The following NEMP1 variants were observed in gnomAD, a reference collection of about 807,000 sequenced individuals.
NEMP1 encodes transmembrane protein 194.
Under a neutral mutation model 53.7 loss-of-function variants are expected in NEMP1, and 29 were observed. That is an observed-to-expected ratio of 0.54 (90% CI 0.40 to 0.74). NEMP1 has a LOEUF of 0.74. Ranked by LOEUF, NEMP1 falls within the 30% of genes least tolerant of loss-of-function variation. NEMP1 has a pLI of 0.00. For synonymous variants in NEMP1, 193 were observed against 192.9 expected (o/e 1.00, Z 0.00); for missense variants, 477 against 528.6 (o/e 0.90, Z 0.96).
In NEMP1 at chr12:57,058,109, T is replaced by C. The variant is rs2136475005; in HGVS notation, c.*1770A>G. The C allele has an allele frequency of 6.6e-6, 1 of 152,356 alleles. No individual in the cohort carries two copies. Among genetic ancestry groups the C allele is most frequent in the Non-Finnish European group, 1.5e-5 (1 of 68,038 alleles). 9.4% of individuals were successfully genotyped at this position (152,356 alleles called of 1,614,324 possible). A position where few individuals can be genotyped will look rare whatever the true frequency, so the allele number is the denominator to read the frequency against. On this transcript the variant is annotated 3_prime_UTR_variant, in exon 9 of 9. Coordinates refer to ENST00000300128, the MANE Select transcript of NEMP1 (RefSeq NM_001130963.2). ...CCCTTCAACTGTAACCCATAGCATCTGCCCAAATACTGCTCATTTTTCACT... is the reference window on the plus strand; with the variant it reads ...CCCTTCAACTGTAACCCATAGCATCCGCCCAAATACTGCTCATTTTTCACT...
At chr12:57,063,440 A>G (rs1007964126) in intron 6 of NEMP1, 96 bp from the exon 7 acceptor site, 27 of 869,118 alleles carry the variant, frequency 3.1e-5, no homozygotes, top group Non-Finnish European at 3.6e-5. Context: ...TATAGCACCA[A>G]TTGAACTAGG....
chr12:57,064,604 T>C, intron 5 of NEMP1, 42 bp downstream of exon 5: 1 of 1,473,176 alleles, frequency 6.8e-7, no homozygotes. Context: ...CCTTCAGCTA[T>C]CCAAATTCAT....
rs369681762 is a variant in NEMP1, at chr12:57,059,831, A to G, written c.*48T>C. ...AAAGCAATTGCACAACACATGCAAC[A>G]TGGACCAAGGCACCAAGCCAGTCCA... On this transcript the variant is annotated 3_prime_UTR_variant, in exon 9 of 9. Transcript: ENST00000300128. 3.3e-5 allele frequency: 51 copies of G among 1,546,148 alleles called. 1 individual carries two copies. In the African/African-American group the frequency reaches 5.7e-4, roughly 17 times the overall value.
At chr12:57,060,987 T>A in intron 7 of NEMP1, 42 bp from the exon 8 acceptor site, 1 of 1,591,500 alleles carries the variant, frequency 6.3e-7, no homozygotes, top group Non-Finnish European at 8.6e-7. Flanking sequence ...TAATCAGTAA[T>A]CTATATCCAT....
chr12:57,078,706 C>T lies in NEMP1; in HGVS notation c.40G>A (p.Gly14Ser). ...GMKVAVSPAV[G>S]PGPWGSGVGG... ...ACTCCCGAGCCCCAGGGCCCGGGAC[C>T]AACTGCCGGCGAGACCGCCACTTTC... The change falls in exon 1 of 9, where the codon GGT (glycine) becomes AGT (serine). Residue 14 changes from glycine to serine, a missense_variant. Coordinates refer to ENST00000300128, the MANE Select transcript of NEMP1 (RefSeq NM_001130963.2). 1 of 1,613,372 alleles carries T rather than the reference C, an allele frequency of 6.2e-7. No homozygotes were observed.
In NEMP1 at chr12:57,064,677, A is replaced by C. The variant is rs953539256; in HGVS notation, c.608T>G (p.Ile203Ser). ...TVGIVASLLI[I>S]IFILSKFMPK... ...CATAAACTTAGATAGTATAAAAATG[A>C]TGATTAGCAGAGAGGCCACAATTCC... Residue 203 changes from isoleucine (I) to serine (S), a missense_variant, in exon 5 of 9, where the codon ATC (isoleucine) becomes AGC (serine). Ile to Ser is a moderately radical substitution (Grantham distance 142). Coordinates refer to ENST00000300128, the MANE Select transcript of NEMP1 (RefSeq NM_001130963.2). 1.2e-6 allele frequency: 2 copies of C among 1,612,900 alleles called. No homozygotes were observed. The highest frequency in any genetic ancestry group is 1.7e-6 in the Non-Finnish European group (2 of 1,179,390).
intron 1 of NEMP1, among the ~76,000 whole-genome samples, chr12:57,074,689 A>C (rs938643793): frequency 1.3e-5 from 2 of 152,214 alleles, no homozygotes; most frequent in African/African-American, 4.8e-5. Flanking sequence ...TGTCACTTCA[A>C]ATTTTAACAG....
chr12:57,055,957 C>T lies in NEMP1; in HGVS notation c.*3922G>A, dbSNP rs1184004250. On this transcript the variant is annotated 3_prime_UTR_variant, in exon 9 of 9. Coordinates refer to ENST00000300128, the MANE Select transcript of NEMP1 (RefSeq NM_001130963.2). ...AGGCTGTAACAGTTTCTAATATTCA[C>T]ATTATGAACTATTTGTTATGTTGTC... 6.6e-6 allele frequency: 1 copy of T among 152,158 alleles called. No homozygotes were observed. Among genetic ancestry groups the T allele is most frequent in the Non-Finnish European group, 1.5e-5 (1 of 68,044 alleles). The allele number at this position is 152,158 out of a possible 1,614,324, so 9.4% of individuals were successfully genotyped here.
At chr12:57,071,734 T>C (rs184390346) in intron 2 of NEMP1, among the ~76,000 whole-genome samples, 2 of 151,574 alleles carry the variant, frequency 1.3e-5, no homozygotes, top group Non-Finnish European at 2.9e-5. Flanking sequence ...TGGCTGGGCA[T>C]GGCCCCCAGC....
chr12:57,056,718 T>C lies in NEMP1; in HGVS notation c.*3161A>G, dbSNP rs1026195893. On this transcript the variant is annotated 3_prime_UTR_variant, in exon 9 of 9. Coordinates refer to ENST00000300128, the MANE Select transcript of NEMP1 (RefSeq NM_001130963.2). ...AAAAAGACTAAGGACAATTACATAA[T>C]GCATTCCCAAGCCTTTTATGGATAT... The C allele has an allele frequency of 3.9e-5, 6 of 152,144 alleles. No individual in the cohort carries two copies. Among genetic ancestry groups the C allele is most frequent in the Admixed American group, 2.6e-4 (4 of 15,272 alleles). The allele number at this position is 152,144 out of a possible 1,614,324, so 9.4% of individuals were successfully genotyped here. A position where few individuals can be genotyped will look rare whatever the true frequency, so the allele number is the denominator to read the frequency against.
chr12:57,081,845 T>G (rs1195264138), upstream of NEMP1, among the ~76,000 whole-genome samples: 1 of 150,702 alleles, frequency 6.6e-6, no homozygotes, highest in Non-Finnish European at 1.5e-5. Flanking sequence ...AGGCGGAACT[T>G]GCAGTGAGCT....
intron 1 of NEMP1, among the ~76,000 whole-genome samples, chr12:57,074,596 C>A (rs112653514): frequency 1.5e-4 from 23 of 150,778 alleles, no homozygotes; most frequent in African/African-American, 5.4e-4. Flanking sequence ...TAAGCCACCA[C>A]GCCCAGCCAG....
At chr12:57,085,065 G>A (rs2136531768) in intron 1 of NEMP1, among the ~76,000 whole-genome samples, 1 of 152,248 alleles carries the variant, frequency 6.6e-6, no homozygotes, top group East Asian at 1.9e-4. Flanking sequence ...CAGCAATAAT[G>A]AACAACCTTT....
At chr12:57,076,791 C>T (rs1298872699) in intron 1 of NEMP1, among the ~76,000 whole-genome samples, 3 of 150,154 alleles carry the variant, frequency 2.0e-5, no homozygotes, top group East Asian at 2.0e-4. Context: ...GCAACGAGGG[C>T]GAAACTCTGT....
intron 4 of NEMP1, among the ~76,000 whole-genome samples, chr12:57,067,791 G>A (rs1041986113): frequency 2.0e-5 from 3 of 152,048 alleles, no homozygotes; most frequent in Admixed American, 6.6e-5. Flanking sequence ...CTCCCGACCT[G>A]AATATTATTA....
intron 1 of NEMP1, among the ~76,000 whole-genome samples, chr12:57,074,255 C>A (rs2032496214): frequency 6.6e-6 from 1 of 151,542 alleles, no homozygotes; most frequent in Non-Finnish European, 1.5e-5. Flanking sequence ...CCTCCCAAAG[C>A]ACTGGGATTA....
At chr12:57,074,179 G>C (rs1421315708) in intron 1 of NEMP1, among the ~76,000 whole-genome samples, 1 of 151,464 alleles carries the variant, frequency 6.6e-6, no homozygotes, top group Non-Finnish European at 1.5e-5. Context: ...ATGTTGCCCA[G>C]GCTGGTCTTG....
intron 1 of NEMP1, among the ~76,000 whole-genome samples, chr12:57,077,547 G>A (rs1462616643): frequency 2.0e-5 from 3 of 152,142 alleles, no homozygotes; most frequent in Middle Eastern, 3.4e-3. Context: ...AAATTACTTG[G>A]GAAAATTATT....
chr12:57,086,604 CT>C (rs1321083141), intron 1 of NEMP1, among the ~76,000 whole-genome samples: 1 of 152,164 alleles, frequency 6.6e-6, no homozygotes. Flanking sequence ...GTCTTTGCCT[CT>C]TTCCCTTTGC....
Sources: gnomAD v4.1 joint callset for allele counts (sites outside exome capture counted in the v4.1 genomes callset) on GRCh38, gnomAD v4.1.1 for gene constraint, MANE v1.5 for transcripts, NCBI Gene and HGNC (gene_info 2026-07-23, HGNC 2026-07-21) for gene names.